The following NPIPB2 variants were observed in gnomAD, a reference collection of about 807,000 sequenced individuals.
NPIPB2 encodes nuclear pore complex interacting protein family member B2, also known as nuclear pore complex-interacting protein family member B2.
A neutral mutation model predicts 30.8 loss-of-function variants in NPIPB2; 27 were observed. The ratio of observed to expected loss-of-function variants is 0.88; its 90% CI spans 0.65 to 1.21. The LOEUF is 1.21. Among genes scored for constraint, NPIPB2 ranks in the 50% most tolerant of loss-of-function variants. The probability of loss-of-function intolerance (pLI) is 0.00; values close to 1 mark genes in which losing one functional copy is unlikely to be tolerated. For synonymous variants in NPIPB2, 147 were observed against 162.0 expected, an observed-to-expected ratio of 0.91 and a Z score of 0.70; for missense variants, 440 against 446.2, an observed-to-expected ratio of 0.99 and a Z score of 0.13.
At chr16:11,976,332 G>T (rs404853) in intron 1 of NPIPB2, among the ~76,000 whole-genome samples, 151,847 of 152,350 alleles carry the variant, frequency 1, 75,678 homozygotes, top group Middle Eastern at 1. Context: ...CCCGGACTGG[G>T]TTCCTCTCAT....
chr16:11,970,127 T>A (rs1449956547), intron 1 of NPIPB2, among the ~76,000 whole-genome samples: 1 of 152,048 alleles, frequency 6.6e-6, no homozygotes, highest in Non-Finnish European at 1.5e-5. Flanking sequence ...GACAGGCAGA[T>A]CACCTGAGGT....
At chr16:11,935,446 T>C (rs1338892890) in intron 2 of NPIPB2, among the ~76,000 whole-genome samples, 1 of 152,104 alleles carries the variant, frequency 6.6e-6, no homozygotes, top group Non-Finnish European at 1.5e-5. Flanking sequence ...CCCAAGTAGC[T>C]GGGATTACAG....
chr16:11,975,971 G>C (rs1048662662), intron 1 of NPIPB2, among the ~76,000 whole-genome samples: 7 of 151,720 alleles, frequency 4.6e-5, no homozygotes, highest in African/African-American at 1.2e-4. Context: ...GTAGAGAACG[G>C]CGTCTCGCTA....
intron 1 of NPIPB2, among the ~76,000 whole-genome samples, chr16:11,964,700 C>A (rs187859242): frequency 6.6e-6 from 1 of 152,304 alleles, no homozygotes; most frequent in Admixed American, 6.5e-5. Context: ...CAGGAGAGCG[C>A]CACGGCGCCC....
intron 1 of NPIPB2, among the ~76,000 whole-genome samples, chr16:11,948,684 G>C (rs549715203): frequency 7.2e-6 from 1 of 139,634 alleles, no homozygotes; most frequent in Non-Finnish European, 1.6e-5. Flanking sequence ...GGAGAATGGC[G>C]TGAACCCGGG....
chr16:11,943,007 C>A (rs2150920309), upstream of NPIPB2, among the ~76,000 whole-genome samples: 1 of 152,138 alleles, frequency 6.6e-6, no homozygotes, highest in East Asian at 1.9e-4. Context: ...GAAAAACAAC[C>A]CTAAGAAACA....
At chr16:11,936,444 C>A (rs1208551441) in intron 2 of NPIPB2, among the ~76,000 whole-genome samples, 1 of 148,542 alleles carries the variant, frequency 6.7e-6, no homozygotes, top group Admixed American at 6.8e-5. Context: ...TTCTACATAT[C>A]TTGAAAGGCA....
rs145864531 is a variant in NPIPB2 at position 11,971,536 on chromosome 16, C to T, written c.-584+5032G>A. Reference sequence around the variant, plus strand: ...TTTAGACAGAGTCTTGCTCTGTTACCCAGGCTGGAGTGCAGTGGCGCAACC... The same window carrying T: ...TTTAGACAGAGTCTTGCTCTGTTACTCAGGCTGGAGTGCAGTGGCGCAACC... On this transcript the variant is annotated intron_variant, in intron 1 of 5. Transcript: ENST00000538896. Among the ~76,000 whole-genome samples the T allele has an allele frequency of 3.6e-3, 541 of 151,874 alleles. 3 individuals are homozygous for T. Among genetic ancestry groups the T allele is most frequent in the Middle Eastern group, 6.8e-3 (2 of 294 alleles).
intron 1 of NPIPB2, among the ~76,000 whole-genome samples, chr16:11,962,351 T>C (rs943323762): frequency 6.6e-6 from 1 of 151,538 alleles, no homozygotes; most frequent in African/African-American, 2.4e-5. Context: ...ATACAAATAT[T>C]AGCTGGGCAT....
intron 1 of NPIPB2, among the ~76,000 whole-genome samples, chr16:11,972,431 G>A (rs796347649): frequency 1.7e-4 from 26 of 151,948 alleles, no homozygotes; most frequent in African/African-American, 5.8e-4. Context: ...ATAATTAGCC[G>A]GGGCTTGGTA....
At chr16:11,962,159 C>G (rs1439619974) in intron 1 of NPIPB2, among the ~76,000 whole-genome samples, 1 of 142,462 alleles carries the variant, frequency 7.0e-6, no homozygotes, top group Non-Finnish European at 1.5e-5. Flanking sequence ...GATGGTGCCA[C>G]TGCACTCCAG....
chr16:11,936,352 C>A (rs975747083), intron 2 of NPIPB2, among the ~76,000 whole-genome samples: 16 of 151,146 alleles, frequency 1.1e-4, no homozygotes, highest in African/African-American at 2.9e-4. Context: ...CAATTTATAC[C>A]GAAAATTCTC....
intron 1 of NPIPB2, chr16:11,968,086 A>C: frequency 4.3e-6 from 2 of 462,070 alleles, no homozygotes; most frequent in Non-Finnish European, 7.6e-6. Context: ...GTTTTTATTA[A>C]CGTGAGTTTT....
intron 1 of NPIPB2, chr16:11,966,125 A>AATAC: frequency 7.0e-7 from 1 of 1,433,342 alleles, no homozygotes; most frequent in Admixed American, 2.2e-5. Context: ...TAAATAAATA[A>AATAC]ATAATAACAA....
rs118142732 is a variant in NPIPB2 at position 11,927,431 on chromosome 16, G to A, written c.1136C>T (p.Pro379Leu). 6.6e-4 allele frequency: 781 copies of A among 1,190,142 alleles called. 16 individuals carry two copies. The East Asian group carries it at 0.017, about 26-fold the overall frequency. The allele number at this position is 1,190,142 out of a possible 1,614,324, so 73.7% of individuals were successfully genotyped here. A position where few individuals can be genotyped will look rare whatever the true frequency, so the allele number is the denominator to read the frequency against. ...ACTCAACCTCCGCCTCTTGGGCTCG[G>A]GTGATGATGGTTCCACCTCAGCGGC... Residue 379 changes from proline (P) to leucine (L), a missense_variant, in exon 8 of 8, where the codon CCC becomes CTC. By Grantham distance (98) the Pro-to-Leu change is moderately conservative. Coordinates refer to ENST00000399147, the Ensembl canonical transcript of NPIPB2.
At chr16:11,951,917 T>C (rs1382659820) in intron 1 of NPIPB2, among the ~76,000 whole-genome samples, 2 of 151,994 alleles carry the variant, frequency 1.3e-5, no homozygotes, top group East Asian at 3.8e-4. Flanking sequence ...CCCAGCACTT[T>C]GGGAGGCCGA....
chr16:11,976,433 T>C (rs868013781), intron 1 of NPIPB2: 25 of 236,564 alleles, frequency 1.1e-4, no homozygotes, highest in African/African-American at 5.4e-4. Context: ...CGTTCCTCTA[T>C]TTTTATTTCC....
intron 1 of NPIPB2, among the ~76,000 whole-genome samples, chr16:11,962,267 G>T (rs1294025905): frequency 6.7e-6 from 1 of 150,100 alleles, no homozygotes; most frequent in Non-Finnish European, 1.5e-5. Context: ...TTGGGAGGCC[G>T]AGGCGGGTCG....
chr16:11,965,043 A>G, intron 1 of NPIPB2: 2 of 430,808 alleles, frequency 4.6e-6, no homozygotes, highest in East Asian at 3.7e-5. Context: ...TCTTCTATAA[A>G]TAAGCAGTTT....
Sources: gnomAD v4.1 joint callset for allele counts (sites outside exome capture counted in the v4.1 genomes callset) on GRCh38, gnomAD v4.1.1 for gene constraint, MANE v1.5 for transcripts, NCBI Gene and HGNC (gene_info 2026-07-23, HGNC 2026-07-21) for gene names.